The following KDM2B variants were observed in gnomAD, a reference collection of about 807,000 sequenced individuals.
KDM2B encodes lysine-specific demethylase 2B.
In KDM2B, 26 loss-of-function variants were observed where a neutral mutation model predicts 150.0. The ratio of observed to expected loss-of-function variants is 0.17; its 90% CI spans 0.13 to 0.24. The LOEUF is 0.24. Among genes scored for constraint, KDM2B ranks in the 10% least tolerant of loss-of-function variants. KDM2B has a pLI of 1.00. For missense variants in KDM2B, 1,265 were observed against 1,816.9 expected, an observed-to-expected ratio of 0.70 and a Z score of 5.52; for synonymous variants, 734 against 729.5, an observed-to-expected ratio of 1.01 and a Z score of -0.10.
At chr12:121,493,169 A>C (rs1339944270) in intron 12 of KDM2B, among the ~76,000 whole-genome samples, 3 of 140,246 alleles carry the variant, frequency 2.1e-5, no homozygotes, top group Non-Finnish European at 4.5e-5. Flanking sequence ...CAGCTTCTGG[A>C]GTAGCTGGAA....
intron 6 of KDM2B, among the ~76,000 whole-genome samples, chr12:121,546,069 G>A (rs1387813343): frequency 2.0e-5 from 3 of 152,096 alleles, no homozygotes; most frequent in Non-Finnish European, 4.4e-5. Flanking sequence ...CCTCATCGCA[G>A]CTGCAAGTTC....
Position 121,444,890 on chromosome 12 carries a change from G to A in KDM2B, c.2104-354C>T, listed in dbSNP as rs558778887. 16 of 437,070 alleles carry A rather than the reference G, an allele frequency of 3.7e-5. 1 individual carries two copies. In the Admixed American group the frequency reaches 5.6e-4, roughly 15 times the overall value. The allele number at this position is 437,070 out of a possible 1,614,324, so 27.1% of individuals were successfully genotyped here. A position where few individuals can be genotyped will look rare whatever the true frequency, so the allele number is the denominator to read the frequency against. ...GCGCCTGGCATGCAGAAAGGACTCT[G>A]CAGAGGACTCTACTGGGTGCTGGGG... On this transcript the variant is annotated intron_variant, in intron 14 of 22. Transcript: ENST00000377071.
Position 121,578,887 on chromosome 12 carries a change from G to C in KDM2B, c.186C>G (p.Ile62Met), listed in dbSNP as rs782333584. ...CCAGGCTGAAGCCGCGGACGCTGAC[G>C]ATCTCCTCCACGTCCGACAAGTCCT... ...ENEDLSDVEE[I>M]VSVRGFSLEE... is the part of the protein sequence containing the mutation. Residue 62 changes from isoleucine to methionine, a missense_variant, in exon 2 of 23, where the codon ATC becomes ATG. Ile to Met is a conservative substitution (Grantham distance 10, BLOSUM62 1). Around this residue, in one of 11 missense-constraint regions of KDM2B, gnomAD observed 214 missense variants for 447.4 expected, o/e 0.48. Coordinates refer to ENST00000377071, the MANE Select transcript of KDM2B (RefSeq NM_032590.5). 6.2e-7 allele frequency: 1 copy of C among 1,613,016 alleles called. No individual in the cohort carries two copies. The highest frequency in any genetic ancestry group is 1.7e-5 in the Admixed American group (1 of 59,978).
chr12:121,421,010 C>T, the KDM2B span, among the ~76,000 whole-genome samples: 1 of 152,132 alleles, frequency 6.6e-6, no homozygotes, highest in African/African-American at 2.4e-5. Context: ...GAAAATTATT[C>T]AATTTGGTTT....
At position 121,538,066 on chromosome 12, in the gene KDM2B, G is replaced by A. The variant is rs1451611049; in HGVS notation, c.684-3476C>T. Among the ~76,000 whole-genome samples, 3 of 151,562 alleles carry A rather than the reference G, an allele frequency of 2.0e-5. No individual in the cohort carries two copies. The East Asian group carries it at 5.8e-4, about 29-fold the overall frequency. ...CTGCCAGGCCCCGGCCGAGGACGCG[G>A]GGCCCCCGCTCGCTGCCTTCCTTCC... On this transcript the variant is annotated intron_variant, in intron 6 of 22. Transcript: ENST00000377071.
intron 12 of KDM2B, among the ~76,000 whole-genome samples, chr12:121,455,764 C>T (rs1211619500): frequency 1.3e-5 from 2 of 152,190 alleles, no homozygotes; most frequent in East Asian, 1.9e-4. Flanking sequence ...CCAACATACT[C>T]GCATAGTCCC....
chr12:121,574,075 C>A (rs1891315977), intron 4 of KDM2B, among the ~76,000 whole-genome samples: 1 of 152,164 alleles, frequency 6.6e-6, no homozygotes, highest in Admixed American at 6.5e-5. Context: ...AGTACTAAGT[C>A]ATCAGCCACC....
chr12:121,580,353 C>A, intron 1 of KDM2B: 5 of 816,024 alleles, frequency 6.1e-6, no homozygotes, highest in Non-Finnish European at 6.9e-6. Flanking sequence ...GCTCTCGGCC[C>A]GGGCTTGGGG....
chr12:121,547,427 G>A (rs1355457750), intron 6 of KDM2B, among the ~76,000 whole-genome samples: 2 of 152,158 alleles, frequency 1.3e-5, no homozygotes, highest in Non-Finnish European at 2.9e-5. Flanking sequence ...CCAGCCTGCT[G>A]GCCTCCCTTA....
chr12:121,525,704 C>T (rs1352772989), intron 8 of KDM2B, among the ~76,000 whole-genome samples: 2 of 152,174 alleles, frequency 1.3e-5, no homozygotes, highest in African/African-American at 4.8e-5. Context: ...GCTTTAGACC[C>T]ATTTGATAGA....
At chr12:121,541,656 GC>G (rs571049635) in intron 6 of KDM2B, among the ~76,000 whole-genome samples, 101 of 151,970 alleles carry the variant, frequency 6.6e-4, no homozygotes, top group African/African-American at 2.3e-3. Flanking sequence ...AGTTCCTCCT[GC>G]CACCCCCAGA....
the KDM2B span, chr12:121,423,250 T>C: frequency 9.9e-6 from 6 of 606,754 alleles, no homozygotes; most frequent in East Asian, 1.7e-4. This position sits in a 1 kb window ranked among gnomAD's most constrained non-coding sequence, Gnocchi z 4.3. Flanking sequence ...GTTGGGATTA[T>C]TTCTTGTACA....
At chr12:121,514,266 C>A (rs1168874370) in intron 9 of KDM2B, among the ~76,000 whole-genome samples, 1 of 152,080 alleles carries the variant, frequency 6.6e-6, no homozygotes, top group Non-Finnish European at 1.5e-5. Context: ...GGCGCGCGCA[C>A]CACCACGCCT....
At position 121,463,016 on chromosome 12, in the gene KDM2B, C is replaced by CAA. The variant is rs376231867; in HGVS notation, c.1735-9674_1735-9673dup. On this transcript the variant is annotated intron_variant, in intron 12 of 22. Transcript: ENST00000377071. ...GCAACAAAGTGAGACCCTGCCTCAG[C>CAA]AAAAAAAAAAAAAAAAGAGGCCAGG... 6.9e-4 allele frequency among the ~76,000 whole-genome samples: 82 copies of CAA among 119,568 alleles called. No homozygotes were observed. The East Asian group carries it at 9.9e-3, about 14-fold the overall frequency. 78.4% of individuals were successfully genotyped at this position (119,568 alleles called of 152,430 possible). A position where few individuals can be genotyped will look rare whatever the true frequency, so the allele number is the denominator to read the frequency against.
intron 1 of KDM2B, among the ~76,000 whole-genome samples, chr12:121,579,430 GGAGCCGCCCCC>G (rs1555317479): frequency 6.6e-6 from 1 of 152,146 alleles, no homozygotes. Flanking sequence ...TTCTAAAGCT[GGAGCCGCCCCC>G]GAGCTACCGG....
rs71453557 is a variant in KDM2B at position 121,431,295 on chromosome 12, C to CTTTT, written c.3830-830_3830-827dup. Among the ~76,000 whole-genome samples, 20 of 98,958 alleles carry CTTTT rather than the reference C, an allele frequency of 2.0e-4. 2 individuals are homozygous for CTTTT. The highest frequency in any genetic ancestry group is 7.4e-4 in the African/African-American group (16 of 21,694). 64.9% of individuals were successfully genotyped at this position (98,958 alleles called of 152,430 possible). On this transcript the variant is annotated intron_variant, in intron 22 of 22. Coordinates refer to ENST00000377071, the MANE Select transcript of KDM2B (RefSeq NM_032590.5). ...TATAGGCGTGTGCCACCATGTGCAA[C>CTTTT]TTTTTTTTTTTTTTTTTTTTTTTTT... is the stretch of plus-strand genomic sequence containing the variant.
chr12:121,546,276 C>G (rs958410050), intron 6 of KDM2B, among the ~76,000 whole-genome samples: 2 of 151,022 alleles, frequency 1.3e-5, no homozygotes, highest in East Asian at 3.9e-4. Context: ...CTCAATCAAT[C>G]AATGAGCCAT....
In KDM2B at chr12:121,578,307, C is replaced by A. The variant is rs1011783320; in HGVS notation, c.271+495G>T. ...AGGCCTAAGGGGGCATCGTCCCAAA[C>A]ACCCGACGCGCCCCCATCACCAGTT... On this transcript the variant is annotated intron_variant, in intron 2 of 22. Coordinates refer to ENST00000377071, the MANE Select transcript of KDM2B (RefSeq NM_032590.5). Among the ~76,000 whole-genome samples the A allele has an allele frequency of 5.9e-5, 9 of 152,186 alleles. No individual in the cohort carries two copies. The East Asian group carries it at 1.7e-3, about 29-fold the overall frequency.
At chr12:121,557,459 T>TG (rs781897054) in intron 4 of KDM2B, among the ~76,000 whole-genome samples, 30 of 152,054 alleles carry the variant, frequency 2.0e-4, no homozygotes, top group Non-Finnish European at 3.8e-4. Context: ...AGGCTGGTCT[T>TG]GAACTCCTGA....
Sources: allele counts gnomAD v4.1 joint callset (sites outside exome capture counted in the v4.1 genomes callset), GRCh38; gene constraint gnomAD v4.1.1; regional missense constraint gnomAD v4.1.1; non-coding constraint Gnocchi (gnomAD v3.1); transcripts MANE v1.5; gene names NCBI Gene and HGNC (gene_info 2026-07-23, HGNC 2026-07-21).